The following ADAM12 variants were observed in gnomAD, a reference collection of about 807,000 sequenced individuals.
ADAM12 encodes the protein ADAM metallopeptidase domain 12, also known as disintegrin and metalloproteinase domain-containing protein 12.
Under a neutral mutation model 106.4 loss-of-function variants are expected in ADAM12, and 70 were observed. The ratio of observed to expected loss-of-function variants is 0.66; its 90% CI spans 0.54 to 0.80. The LOEUF (loss-of-function observed/expected upper bound fraction) is 0.80, where lower values mean the gene tolerates loss of function less well. Ranked by LOEUF, ADAM12 falls within the 30% of genes least tolerant of loss-of-function variation. The probability of loss-of-function intolerance (pLI) is 0.00; values close to 1 mark genes in which losing one functional copy is unlikely to be tolerated. For missense variants in ADAM12, 1,010 were observed against 1,171.9 expected (o/e 0.86, Z 2.02); for synonymous variants, 420 against 433.5 (o/e 0.97, Z 0.39).
chr10:126,340,359 A>C (rs1854880638), intron 1 of ADAM12, among the ~76,000 whole-genome samples: 1 of 152,232 alleles, frequency 6.6e-6, no homozygotes, highest in African/African-American at 2.4e-5. Flanking sequence ...AGGAAGCCCC[A>C]TTCTAATCTT....
At chr10:126,297,882 A>C (rs1960452795) in intron 2 of ADAM12, among the ~76,000 whole-genome samples, 1 of 152,028 alleles carries the variant, frequency 6.6e-6, no homozygotes, top group Admixed American at 6.5e-5. Flanking sequence ...AGGCCAAAAA[A>C]CCTCACCAGA....
intron 11 of ADAM12, among the ~76,000 whole-genome samples, chr10:126,077,484 C>T (rs1955124425): frequency 6.6e-6 from 1 of 152,182 alleles, no homozygotes; most frequent in Non-Finnish European, 1.5e-5. Context: ...TATTATCTGA[C>T]TTTAAACTAT....
chr10:126,329,963 A>T (rs1417371483), intron 2 of ADAM12, among the ~76,000 whole-genome samples: 1 of 152,246 alleles, frequency 6.6e-6, no homozygotes, highest in Non-Finnish European at 1.5e-5. Flanking sequence ...TTTACATCAT[A>T]AAAGGCTCAA....
chr10:126,383,132 G>A (rs1207192694), intron 1 of ADAM12, among the ~76,000 whole-genome samples: 1 of 151,840 alleles, frequency 6.6e-6, no homozygotes, highest in Non-Finnish European at 1.5e-5. Flanking sequence ...ATTTTTTGTT[G>A]AGATGTGGTG....
chr10:126,028,824 C>T (rs576328083), intron 21 of ADAM12, among the ~76,000 whole-genome samples: 1 of 151,846 alleles, frequency 6.6e-6, no homozygotes, highest in African/African-American at 2.4e-5. Flanking sequence ...AAAAGAAACA[C>T]AGAATGAACA....
intron 5 of ADAM12, among the ~76,000 whole-genome samples, chr10:126,124,790 G>A (rs1956172591): frequency 6.6e-6 from 1 of 151,016 alleles, no homozygotes; most frequent in Admixed American, 6.6e-5. Context: ...TACTCGGGAG[G>A]CTGAGGTAGG....
intron 2 of ADAM12, among the ~76,000 whole-genome samples, chr10:126,287,803 C>T (rs1959943168): frequency 6.6e-6 from 1 of 152,060 alleles, no homozygotes; most frequent in South Asian, 2.1e-4. Context: ...TCTGTCTCTT[C>T]CTAGCAAAGT....
intron 21 of ADAM12, among the ~76,000 whole-genome samples, chr10:126,020,612 A>C (rs1953746022): frequency 6.6e-6 from 1 of 152,178 alleles, no homozygotes; most frequent in South Asian, 2.1e-4. Flanking sequence ...AAAGAAAATA[A>C]TGCATAGGAA....
At chr10:126,185,679 A>G (rs1470527220) in intron 3 of ADAM12, among the ~76,000 whole-genome samples, 1 of 152,060 alleles carries the variant, frequency 6.6e-6, no homozygotes, top group Non-Finnish European at 1.5e-5. Context: ...CACACCACCC[A>G]TGGGGAGCAA....
At chr10:126,032,483 G>A (rs1412859211) in intron 21 of ADAM12, among the ~76,000 whole-genome samples, 1 of 152,118 alleles carries the variant, frequency 6.6e-6, no homozygotes, top group African/African-American at 2.4e-5. Flanking sequence ...CAGAATGAAG[G>A]ACTTTTTCGG....
chr10:126,277,572 G>A (rs752773891), intron 3 of ADAM12, among the ~76,000 whole-genome samples: 1 of 152,100 alleles, frequency 6.6e-6, no homozygotes, highest in Non-Finnish European at 1.5e-5. Context: ...TGTGCCCCTC[G>A]ATATTCTTAT....
At chr10:126,119,046 A>AT (rs1302041207) in intron 5 of ADAM12, among the ~76,000 whole-genome samples, 2 of 152,160 alleles carry the variant, frequency 1.3e-5, no homozygotes, top group Non-Finnish European at 2.9e-5. Flanking sequence ...ACAAATTTAT[A>AT]TTTTTTTATT....
Position 126,047,897 on chromosome 10 carries a change from G to A in ADAM12, c.1917+1356C>T, listed in dbSNP as rs369132465. The stretch of plus-strand genomic sequence containing the variant: ...GCAAAGACATGGACTCAAACTAAAC[G>A]TCCATCAATGATAGACTGGATAAAG... On this transcript the variant is annotated intron_variant, in intron 16 of 22. Transcript: ENST00000448723. Among the ~76,000 whole-genome samples, 26 of 152,212 alleles carry A rather than the reference G, an allele frequency of 1.7e-4. No individual in the cohort carries two copies. The South Asian group carries it at 4.2e-3, about 24-fold the overall frequency.
intron 14 of ADAM12, among the ~76,000 whole-genome samples, chr10:126,060,514 G>T (rs12242949): frequency 1.3e-5 from 2 of 152,110 alleles, no homozygotes; most frequent in African/African-American, 4.8e-5. Context: ...CAGGAGGCCT[G>T]TGATGACCCC....
At position 126,323,936 on chromosome 10, in the gene ADAM12, A is replaced by G. The variant is rs137955161; in HGVS notation, c.186+6476T>C. Among the ~76,000 whole-genome samples, 360 of 152,338 alleles carry G rather than the reference A, an allele frequency of 2.4e-3. 7 individuals carry two copies. The South Asian group carries it at 0.025, about 11-fold the overall frequency. The stretch of plus-strand genomic sequence containing the variant: ...CTTATTTTAGGGGTTGCGCTATTTC[A>G]TGATATCCAACAGAAAGAACTAGAA... On this transcript the variant is annotated intron_variant, in intron 2 of 22. Coordinates refer to ENST00000448723, the MANE Select transcript of ADAM12 (RefSeq NM_001288973.2).
At chr10:126,194,062 G>C (rs1957553431) in intron 3 of ADAM12, among the ~76,000 whole-genome samples, 1 of 151,998 alleles carries the variant, frequency 6.6e-6, no homozygotes, top group African/African-American at 2.4e-5. Context: ...TCCTGGAAAA[G>C]TTACACTTGT....
chr10:126,193,278 A>G (rs1957537999), intron 3 of ADAM12, among the ~76,000 whole-genome samples: 1 of 150,676 alleles, frequency 6.6e-6, no homozygotes, highest in South Asian at 2.1e-4. Flanking sequence ...AAAAAAAAAA[A>G]AAAAAAAAAA....
chr10:126,091,070 A>T (rs1272039923), intron 11 of ADAM12: 2 of 152,232 alleles, frequency 1.3e-5, no homozygotes, highest in East Asian at 3.8e-4. Context: ...GAGCCATCAC[A>T]CGGAAACTGT....
intron 2 of ADAM12, among the ~76,000 whole-genome samples, chr10:126,286,182 G>T (rs1280714912): frequency 1.3e-5 from 2 of 152,116 alleles, no homozygotes; most frequent in Non-Finnish European, 2.9e-5. Flanking sequence ...CAGGTCCTTG[G>T]TGTTTTTCTC....
Sources: gnomAD v4.1 joint callset for allele counts (sites outside exome capture counted in the v4.1 genomes callset) on GRCh38, gnomAD v4.1.1 for gene constraint, MANE v1.5 for transcripts, NCBI Gene and HGNC (gene_info 2026-07-23, HGNC 2026-07-21) for gene names.